Variants in PTPN3 observed in about 807,000 individuals in gnomAD.
The protein encoded by PTPN3 is protein tyrosine phosphatase non-receptor type 3, also known as tyrosine-protein phosphatase non-receptor type 3.
A neutral mutation model predicts 132.7 loss-of-function variants in PTPN3; 96 were observed. The ratio of observed to expected loss-of-function variants is 0.72; its 90% confidence interval spans 0.61 to 0.86. The LOEUF is 0.86. PTPN3 is among the 40% of genes least tolerant of loss of function. PTPN3 has a pLI of 0.00. For missense variants in PTPN3, 1,125 were observed against 1,159.6 expected (o/e 0.97, Z 0.43); for synonymous variants, 398 against 429.0 (o/e 0.93, Z 0.89).
Position 109,406,611 on chromosome 9 carries a change from G to C in PTPN3, c.1643C>G (p.Thr548Ser), listed in dbSNP as rs1226417769. The C allele has an allele frequency of 1.9e-6, 3 of 1,613,956 alleles. No individual in the cohort carries two copies. The African/African-American group carries it at 4.0e-5, about 22-fold the overall frequency. Residue 548 changes from threonine (T) to serine (S), a missense_variant, in exon 18 of 26, where the codon ACC becomes AGC. Transcript: ENST00000374541. ...SRINPESPADTCIPKLNEGDQ... is the reference protein window; with the variant it reads ...SRINPESPADSCIPKLNEGDQ... ...CCCTTCGTTCAGCTTAGGAATGCAG[G>C]TGTCCGCCTGGGTGGTGGGGAAAAG... is the stretch of plus-strand genomic sequence containing the variant.
Position 109,391,519 on chromosome 9 carries a change from T to G in PTPN3, c.1996A>C (p.Lys666Gln), listed in dbSNP as rs768153874. 6 of 1,613,902 alleles carry G rather than the reference T, an allele frequency of 3.7e-6. No homozygotes were observed. Among genetic ancestry groups the G allele is most frequent in the Non-Finnish European group, 5.1e-6 (6 of 1,179,976 alleles). The change falls in exon 20 of 26, where the codon AAG becomes CAG. Residue 666 changes from lysine (K) to glutamine (Q), a missense_variant. By Grantham distance (53) the Lys-to-Gln change is moderately conservative (BLOSUM62 1). Coordinates refer to ENST00000374541, the MANE Select transcript of PTPN3 (RefSeq NM_002829.4). ...KKPGLAITFA[K>Q]LPQNLDKNRY... ...TTTTTGTCCAAATTTTGAGGCAGCTTTGCAAACGTGATGGCCAAACCTGGC... is the reference window on the plus strand; with the variant it reads ...TTTTTGTCCAAATTTTGAGGCAGCTGTGCAAACGTGATGGCCAAACCTGGC...
chr9:109,491,215 A>G (rs1475291891), intron 1 of PTPN3, among the ~76,000 whole-genome samples: 1 of 149,550 alleles, frequency 6.7e-6, no homozygotes, highest in Non-Finnish European at 1.5e-5. Context: ...AAAAAAAAAA[A>G]GTATATAAAA....
the PTPN3 span, among the ~76,000 whole-genome samples, chr9:109,537,484 G>A: frequency 6.6e-6 from 1 of 151,914 alleles, no homozygotes; most frequent in South Asian, 2.1e-4. Context: ...GTCGAGTCTT[G>A]TCCATCCATT....
chr9:109,449,953 TATCTC>T (rs1483393807), intron 5 of PTPN3: 2 of 985,266 alleles, frequency 2.0e-6, no homozygotes, highest in Non-Finnish European at 1.2e-6. Context: ...CTTTCCCTCT[TATCTC>T]AGCCTCATAA....
the PTPN3 span, among the ~76,000 whole-genome samples, chr9:109,530,415 G>A: frequency 6.6e-6 from 1 of 152,104 alleles, no homozygotes; most frequent in Non-Finnish European, 1.5e-5. Context: ...CCTTTTTAAG[G>A]CTGAATACTA....
intron 1 of PTPN3, among the ~76,000 whole-genome samples, chr9:109,471,518 T>C (rs1035464889): frequency 7.2e-5 from 11 of 152,298 alleles, no homozygotes; most frequent in Admixed American, 5.9e-4. Flanking sequence ...AGTACAATTA[T>C]CACACTGAAG....
At chr9:109,487,662 A>G (rs1234126199) in intron 1 of PTPN3, among the ~76,000 whole-genome samples, 3 of 152,274 alleles carry the variant, frequency 2.0e-5, no homozygotes, top group Non-Finnish European at 4.4e-5. Context: ...TGAAAACGAA[A>G]AGAAGAAAAA....
chr9:109,384,272 T>A (rs1839373572), intron 22 of PTPN3, among the ~76,000 whole-genome samples: 1 of 152,166 alleles, frequency 6.6e-6, no homozygotes, highest in Non-Finnish European at 1.5e-5. Flanking sequence ...AAAACCCAGA[T>A]TAAGGGACTC....
intron 1 of PTPN3, 92 bp from the exon 2 acceptor site, chr9:109,463,543 ACTGT>A: frequency 1.6e-6 from 2 of 1,229,530 alleles, no homozygotes; most frequent in South Asian, 1.5e-5. Context: ...TCCTCTCGAT[ACTGT>A]CTGACGGACT....
intron 10 of PTPN3, among the ~76,000 whole-genome samples, chr9:109,431,870 C>T (rs955315246): frequency 7.9e-5 from 12 of 151,924 alleles, no homozygotes; most frequent in African/African-American, 2.7e-4. Flanking sequence ...TTTCCTCCTC[C>T]GTGAAACTGG....
chr9:109,473,378 G>A (rs1460475152), intron 1 of PTPN3, among the ~76,000 whole-genome samples: 1 of 152,144 alleles, frequency 6.6e-6, no homozygotes, highest in Non-Finnish European at 1.5e-5. Flanking sequence ...ACTTCAAAAT[G>A]TCAAATAGTT....
chr9:109,417,209 G>A (rs1372510717), intron 14 of PTPN3, among the ~76,000 whole-genome samples: 1 of 152,218 alleles, frequency 6.6e-6, no homozygotes, highest in East Asian at 1.9e-4. Context: ...CATAAACTTT[G>A]CTGTGCTGCT....
the PTPN3 span, among the ~76,000 whole-genome samples, chr9:109,516,451 T>A: frequency 6.6e-6 from 1 of 152,120 alleles, no homozygotes. Flanking sequence ...GTTGACCAGC[T>A]ACAGAAAGGG....
At chr9:109,449,318 G>C in intron 5 of PTPN3, 1 of 988,400 alleles carries the variant, frequency 1.0e-6, no homozygotes, top group Non-Finnish European at 1.2e-6. Context: ...GCTAAAAGGA[G>C]GGGAGTCTGT....
At chr9:109,403,273 C>A (rs1249970991) in intron 19 of PTPN3, among the ~76,000 whole-genome samples, 1 of 152,160 alleles carries the variant, frequency 6.6e-6, no homozygotes, top group Non-Finnish European at 1.5e-5. Flanking sequence ...TTTAAACATT[C>A]CTATTACTCA....
the PTPN3 span, among the ~76,000 whole-genome samples, chr9:109,531,913 A>T: frequency 6.6e-6 from 1 of 152,164 alleles, no homozygotes; most frequent in African/African-American, 2.4e-5. Context: ...AATGGGACAC[A>T]GGTTTGGAGT....
the PTPN3 span, among the ~76,000 whole-genome samples, chr9:109,519,272 A>G: frequency 6.6e-6 from 1 of 152,230 alleles, no homozygotes; most frequent in Non-Finnish European, 1.5e-5. Context: ...CTGAACATCA[A>G]TAAGAGATAC....
chr9:109,391,682 A>G, intron 19 of PTPN3, 121 bp from the exon 20 acceptor site: 1 of 710,242 alleles, frequency 1.4e-6, no homozygotes, highest in Non-Finnish European at 2.2e-6. Flanking sequence ...TGTGTTATAT[A>G]CTAAAAGAAA....
intron 21 of PTPN3, 135 bp from the exon 22 acceptor site, chr9:109,389,514 G>A: frequency 8.9e-6 from 8 of 895,956 alleles, no homozygotes; most frequent in South Asian, 2.2e-5. Flanking sequence ...CAGCCAATAA[G>A]GAAAATCAAA....
Sources: allele counts gnomAD v4.1 joint callset (sites outside exome capture counted in the v4.1 genomes callset), GRCh38; gene constraint gnomAD v4.1.1; transcripts MANE v1.5; gene names NCBI Gene and HGNC (gene_info 2026-07-23, HGNC 2026-07-21).